Variants in CNTN3 observed in about 807,000 individuals in gnomAD.
CNTN3 encodes the protein contactin-3.
CNTN3 carries 60 observed loss-of-function variants against 119.1 expected under a neutral mutation model. The ratio of observed to expected loss-of-function variants is 0.50; its 90% confidence interval spans 0.41 to 0.62. The LOEUF (loss-of-function observed/expected upper bound fraction) is 0.62, where lower values mean the gene tolerates loss of function less well. Ranked by LOEUF, CNTN3 falls within the 20% of genes least tolerant of loss-of-function variation. The pLI, the probability that CNTN3 is intolerant of heterozygous loss-of-function variation, is 0.00. For missense variants in CNTN3, 1,101 were observed against 1,242.4 expected (o/e 0.89, Z 1.71); for synonymous variants, 450 against 438.7 (o/e 1.03, Z -0.32).
At chr3:74,527,748 C>A (rs115848684) in intron 1 of CNTN3, among the ~76,000 whole-genome samples, 2 of 151,898 alleles carry the variant, frequency 1.3e-5, no homozygotes, top group South Asian at 2.1e-4. Context: ...GCCAATTCCA[C>A]GTCACACTGC....
chr3:74,267,988 T>G (rs997574205), intron 20 of CNTN3, among the ~76,000 whole-genome samples: 3 of 152,154 alleles, frequency 2.0e-5, no homozygotes, highest in African/African-American at 7.2e-5. Flanking sequence ...TTTATTCCCA[T>G]GGAGTAATAG....
At chr3:74,365,752 A>G (rs1704172825) in intron 8 of CNTN3, 50 bp from the exon 9 acceptor site, 1 of 1,570,854 alleles carries the variant, frequency 6.4e-7, no homozygotes, top group African/African-American at 1.4e-5. Flanking sequence ...CACCCAGCAA[A>G]TAAAATGTAT....
intron 20 of CNTN3, among the ~76,000 whole-genome samples, chr3:74,281,344 T>A (rs563753850): frequency 1.7e-4 from 26 of 152,254 alleles, no homozygotes; most frequent in African/African-American, 6.3e-4. Flanking sequence ...TTATTATTAT[T>A]TTTTGAGACA....
chr3:74,367,999 C>T (rs769187459), intron 8 of CNTN3, among the ~76,000 whole-genome samples: 2 of 152,096 alleles, frequency 1.3e-5, no homozygotes, highest in African/African-American at 4.8e-5. Context: ...TCCCTCACCC[C>T]CTATTTCCAT....
chr3:74,540,010 T>C (rs1189269589), intron 1 of CNTN3, among the ~76,000 whole-genome samples: 4 of 152,130 alleles, frequency 2.6e-5, no homozygotes, highest in Non-Finnish European at 4.4e-5. Context: ...GAAGCTTGCC[T>C]TCTACAAGGT....
intron 4 of CNTN3, among the ~76,000 whole-genome samples, chr3:74,480,997 G>A (rs962309771): frequency 5.3e-5 from 8 of 151,658 alleles, no homozygotes; most frequent in East Asian, 3.9e-4. Flanking sequence ...AAATCAGACC[G>A]TATTAATATA....
Position 74,334,828 on chromosome 3 carries a change from A to T in CNTN3, c.1575T>A (p.His525Gln). The change falls in exon 13 of 23, where the codon CAT (histidine) becomes CAA (glutamine). Residue 525 changes from histidine (H) to glutamine (Q), a missense_variant. Physicochemically the swap from His to Gln is conservative, Grantham distance 24. Transcript: ENST00000263665. ...ESVILPCQVQ[H>Q]DPLLDIIFTW... is the part of the protein sequence containing the mutation. ...TAAAGATGATGTCTAACAGCGGGTC[A>T]TGTTGTACCTGGCAGGGCAATATGA... The T allele has an allele frequency of 1.2e-6, 2 of 1,613,590 alleles. No homozygotes were observed. Among genetic ancestry groups the T allele is most frequent in the Non-Finnish European group, 1.7e-6 (2 of 1,179,626 alleles).
chr3:74,412,290 TA>T (rs1389399189), intron 5 of CNTN3, among the ~76,000 whole-genome samples: 2 of 152,176 alleles, frequency 1.3e-5, no homozygotes, highest in Non-Finnish European at 2.9e-5. Flanking sequence ...TTTGGGGGCA[TA>T]AAACATTTGC....
chr3:74,313,658 T>C (rs1304853713), intron 13 of CNTN3, among the ~76,000 whole-genome samples: 1 of 152,124 alleles, frequency 6.6e-6, no homozygotes, highest in Non-Finnish European at 1.5e-5. Context: ...CACAGAAATT[T>C]ATACACCATT....
rs1166917132 is a variant in CNTN3 at position 74,537,038 on chromosome 3, T to TC, written c.-80-15847_-80-15846insG. ...CAGCTGGCCTAACAAAACTTGCCTG[T>TC]AGACAAGATGTGTCCTGAGACCAGG... On this transcript the variant is annotated intron_variant, in intron 1 of 22. Coordinates refer to ENST00000263665, the MANE Select transcript of CNTN3 (RefSeq NM_020872.3). Among the ~76,000 whole-genome samples the TC allele has an allele frequency of 8.5e-5, 13 of 152,068 alleles. No homozygotes were observed. The East Asian group carries it at 1.6e-3, about 18-fold the overall frequency.
At chr3:74,562,846 T>C (rs1469863274) in intron 1 of CNTN3, among the ~76,000 whole-genome samples, 1 of 152,116 alleles carries the variant, frequency 6.6e-6, no homozygotes, top group Non-Finnish European at 1.5e-5. Flanking sequence ...GTATTTGACC[T>C]TAAAGCGGAT....
At chr3:74,417,655 G>T (rs1361813586) in intron 5 of CNTN3, among the ~76,000 whole-genome samples, 10 of 152,112 alleles carry the variant, frequency 6.6e-5, no homozygotes. Flanking sequence ...AGAACTTCAG[G>T]ATTTTCATCT....
chr3:74,306,480 T>G (rs611734), intron 13 of CNTN3, among the ~76,000 whole-genome samples: 57,780 of 151,890 alleles, frequency 0.38, 12,728 homozygotes, highest in East Asian at 0.72. Flanking sequence ...ATTATTTTCC[T>G]AAACTTCCTT....
chr3:74,407,333 A>G (rs9310295), intron 5 of CNTN3, among the ~76,000 whole-genome samples: 102,267 of 146,876 alleles, frequency 0.7, 35,967 homozygotes, highest in East Asian at 0.83. Context: ...CAATGGCGCA[A>G]TCTCAGCTCA....
chr3:74,502,696 G>A (rs771980713), intron 2 of CNTN3, among the ~76,000 whole-genome samples: 3 of 152,162 alleles, frequency 2.0e-5, no homozygotes, highest in Non-Finnish European at 4.4e-5. Context: ...TTCTCCTTGT[G>A]TTCTGGTTTC....
chr3:74,613,432 G>A (rs948214841), intron 1 of CNTN3, among the ~76,000 whole-genome samples: 1 of 152,004 alleles, frequency 6.6e-6, no homozygotes, highest in Admixed American at 6.5e-5. Context: ...CTTGGGTTGA[G>A]GTTAGCAGAC....
chr3:74,311,359 AT>A (rs1353633023), intron 13 of CNTN3, among the ~76,000 whole-genome samples: 59 of 152,130 alleles, frequency 3.9e-4, no homozygotes, highest in African/African-American at 1.4e-3. Flanking sequence ...TCGATAGACT[AT>A]TTTCCTGGTA....
At chr3:74,349,122 T>G (rs1433225612) in intron 11 of CNTN3, among the ~76,000 whole-genome samples, 1 of 151,600 alleles carries the variant, frequency 6.6e-6, no homozygotes, top group African/African-American at 2.4e-5. Context: ...TGATTTGTTA[T>G]GCAGCAAAAG....
At chr3:74,493,660 A>G (rs1400923788) in intron 3 of CNTN3, among the ~76,000 whole-genome samples, 4 of 152,162 alleles carry the variant, frequency 2.6e-5, no homozygotes, top group Non-Finnish European at 4.4e-5. Context: ...TTGTGGTTTT[A>G]GATGCAGCTT....
Sources: gnomAD v4.1 joint callset for allele counts (sites outside exome capture counted in the v4.1 genomes callset) on GRCh38, gnomAD v4.1.1 for gene constraint, MANE v1.5 for transcripts, NCBI Gene and HGNC (gene_info 2026-07-23, HGNC 2026-07-21) for gene names.